CHL1: variants seen among roughly 807,000 people sequenced by gnomAD.
CHL1 encodes the protein neural cell adhesion molecule L1-like protein.
Under a neutral mutation model 141.9 loss-of-function variants are expected in CHL1, and 96 were observed. That is an observed-to-expected ratio of 0.68 (90% CI 0.57 to 0.80). The LOEUF is 0.80. Among genes scored for constraint, CHL1 ranks in the 30% least tolerant of loss-of-function variants. The pLI, the probability that CHL1 is intolerant of heterozygous loss-of-function variation, is 0.00. For missense variants in CHL1, 1,820 were observed against 1,457.2 expected (o/e 1.25, Z -4.05); for synonymous variants, 613 against 502.2 (o/e 1.22, Z -2.95).
At chr3:265,697 T>A (rs2125219475) in intron 2 of CHL1, among the ~76,000 whole-genome samples, 1 of 152,172 alleles carries the variant, frequency 6.6e-6, no homozygotes, top group South Asian at 2.1e-4. Flanking sequence ...GGGGAATGGG[T>A]GGGAGATGTC....
chr3:337,536 G>T (rs761082863), intron 5 of CHL1, among the ~76,000 whole-genome samples: 9 of 138,158 alleles, frequency 6.5e-5, no homozygotes, highest in African/African-American at 1.1e-4. Context: ...CCCACAACAG[G>T]CCCCGGTGTG....
rs1176811548 is a variant in CHL1, at chr3:339,945, GTAA to G, written c.386-847_386-845del. Among the ~76,000 whole-genome samples the G allele has an allele frequency of 3.3e-5, 5 of 152,234 alleles. No homozygotes were observed. In the East Asian group the frequency reaches 9.6e-4, roughly 29 times the overall value. On this transcript the variant is annotated intron_variant, in intron 5 of 27. Transcript: ENST00000256509. ...ATCCTTCTCCTCCACAAGAGACTGT[GTAA>G]TTCTATAATGCAAATTCCCCCACCA...
chr3:294,295 G>A (rs992390576), intron 2 of CHL1, among the ~76,000 whole-genome samples: 70 of 152,124 alleles, frequency 4.6e-4, no homozygotes, highest in African/African-American at 1.7e-3. Context: ...CTCCAGTCTG[G>A]GTGACAGAGC....
At chr3:253,648 C>T (rs1373936054) in intron 2 of CHL1, among the ~76,000 whole-genome samples, 3 of 152,172 alleles carry the variant, frequency 2.0e-5, no homozygotes, top group Non-Finnish European at 4.4e-5. Context: ...TTACTCACAA[C>T]AGTATCTTAA....
intron 19 of CHL1, among the ~76,000 whole-genome samples, chr3:388,350 C>G (rs887476737): frequency 5.3e-5 from 8 of 152,108 alleles, no homozygotes; most frequent in Non-Finnish European, 1.2e-4. Context: ...GAGTTCAAGA[C>G]CAGCCTGACC....
chr3:253,500 A>T (rs1362684115), intron 2 of CHL1, among the ~76,000 whole-genome samples: 1 of 152,124 alleles, frequency 6.6e-6, no homozygotes, highest in Non-Finnish European at 1.5e-5. Context: ...CCTTTTCTGT[A>T]GTTTTTGTAT....
At chr3:353,796 G>C (rs3773390) in intron 10 of CHL1, among the ~76,000 whole-genome samples, 77,032 of 152,046 alleles carry the variant, frequency 0.51, 21,061 homozygotes, top group Admixed American at 0.67. Context: ...CACTTGATGG[G>C]AGTTGCTACC....
chr3:367,676 A>G (rs1331167443), intron 15 of CHL1, among the ~76,000 whole-genome samples: 1 of 151,912 alleles, frequency 6.6e-6, no homozygotes, highest in Non-Finnish European at 1.5e-5. Context: ...TTTTCTTTAC[A>G]TCTTCATTAA....
chr3:399,509 A>T (rs1376400985), intron 26 of CHL1, among the ~76,000 whole-genome samples: 1 of 152,064 alleles, frequency 6.6e-6, no homozygotes, highest in African/African-American at 2.4e-5. Context: ...GCATGGTGGC[A>T]GCTGCCTGTA....
At chr3:301,597 G>A (rs543022742) in intron 2 of CHL1, among the ~76,000 whole-genome samples, 3 of 152,176 alleles carry the variant, frequency 2.0e-5, no homozygotes, top group East Asian at 1.9e-4. Flanking sequence ...ATTCAGCATT[G>A]TCTAGTTAAC....
intron 2 of CHL1, among the ~76,000 whole-genome samples, chr3:252,940 CTG>C: frequency 6.6e-6 from 1 of 151,812 alleles, no homozygotes; most frequent in Non-Finnish European, 1.5e-5. Context: ...ATTATAGTTA[CTG>C]TAATGTAACT....
At chr3:253,850 A>G (rs1693918153) in intron 2 of CHL1, among the ~76,000 whole-genome samples, 1 of 106,482 alleles carries the variant, frequency 9.4e-6, no homozygotes, top group Admixed American at 9.9e-5. Flanking sequence ...AGTGCTCCTG[A>G]ATTAAAATTG....
chr3:242,125 T>C (rs4684336), intron 1 of CHL1, among the ~76,000 whole-genome samples: 82,946 of 151,526 alleles, frequency 0.55, 23,639 homozygotes, highest in Non-Finnish European at 0.63. Context: ...AAGAAAAGAT[T>C]AAAAGGAGAG....
At chr3:237,641 T>C (rs1692123814) in intron 1 of CHL1, among the ~76,000 whole-genome samples, 1 of 152,252 alleles carries the variant, frequency 6.6e-6, no homozygotes, top group African/African-American at 2.4e-5. Flanking sequence ...TTTATTGTCA[T>C]TGTAACTTTG....
intron 1 of CHL1, among the ~76,000 whole-genome samples, chr3:209,124 C>A (rs1268246507): frequency 6.6e-6 from 1 of 152,172 alleles, no homozygotes; most frequent in Non-Finnish European, 1.5e-5. Context: ...TCAAAGCAAC[C>A]TAGATCTCTT....
intron 18 of CHL1, 63 bp downstream of exon 18, chr3:382,734 TA>T (rs987965364): frequency 7.3e-3 from 8,617 of 1,184,434 alleles, no homozygotes; most frequent in Non-Finnish European, 7.9e-3. Context: ...TTTGAACATC[TA>T]AAAAAAAAAG....
At chr3:277,579 T>C (rs1040690476) in intron 2 of CHL1, among the ~76,000 whole-genome samples, 3 of 152,198 alleles carry the variant, frequency 2.0e-5, no homozygotes, top group African/African-American at 7.2e-5. Context: ...CTATACTCAC[T>C]GTACTTGGGA....
intron 8 of CHL1, 94 bp from the exon 9 acceptor site, chr3:344,487 ACACTCGTG>A (rs1702596209): frequency 1.3e-6 from 1 of 742,882 alleles, no homozygotes; most frequent in Admixed American, 2.5e-5. Flanking sequence ...ACACACACAC[ACACTCGTG>A]TGTCGGATTT....
At chr3:357,385 G>C (rs565139782) in intron 11 of CHL1, among the ~76,000 whole-genome samples, 1 of 152,040 alleles carries the variant, frequency 6.6e-6, no homozygotes, top group Non-Finnish European at 1.5e-5. Flanking sequence ...ATTGATTATC[G>C]GACTAACCCT....
Sources: allele counts gnomAD v4.1 joint callset (sites outside exome capture counted in the v4.1 genomes callset), GRCh38; gene constraint gnomAD v4.1.1; transcripts MANE v1.5; gene names NCBI Gene and HGNC (gene_info 2026-07-23, HGNC 2026-07-21).